The following CCND1 variants were observed in gnomAD, a reference collection of about 807,000 sequenced individuals.
CCND1 encodes G1/S-specific cyclin-D1.
A neutral mutation model predicts 26.1 loss-of-function variants in CCND1; 9 were observed. That is an observed-to-expected ratio of 0.35 (90% CI 0.21 to 0.60). The LOEUF (loss-of-function observed/expected upper bound fraction) is 0.60, where lower values mean the gene tolerates loss of function less well. Among genes scored for constraint, CCND1 ranks in the 20% least tolerant of loss-of-function variants. The probability of loss-of-function intolerance (pLI) is 0.79; values close to 1 mark genes in which losing one functional copy is unlikely to be tolerated. For synonymous variants in CCND1, 194 were observed against 166.1 expected, an observed-to-expected ratio of 1.17 and a Z score of -1.29; for missense variants, 335 against 392.9, an observed-to-expected ratio of 0.85 and a Z score of 1.25.
rs1407474444 is a variant in CCND1 at position 69,652,436 on chromosome 11, G to A, written c.*1154G>A. The A allele has an allele frequency of 4.3e-6, 1 of 233,568 alleles. No individual in the cohort carries two copies. Among genetic ancestry groups the A allele is most frequent in the African/African-American group, 2.2e-5 (1 of 45,356 alleles). The allele number at this position is 233,568 out of a possible 1,614,324, so 14.5% of individuals were successfully genotyped here. ...TTTGAGGCAAGTGTGGGCCACTGTG[G>A]TGGCAGTGGAGGTGGGGTGTTTGGG... On this transcript the variant is annotated 3_prime_UTR_variant, in exon 5 of 5. Coordinates refer to ENST00000227507, the MANE Select transcript of CCND1 (RefSeq NM_053056.3).
chr11:69,644,278 A>G lies in CCND1; in HGVS notation c.574+287A>G, dbSNP rs616294. The G allele has an allele frequency of 2.7e-3, 1,262 of 467,528 alleles. 38 individuals carry two copies. In the East Asian group the frequency reaches 0.044, roughly 16 times the overall value. 29.0% of individuals were successfully genotyped at this position (467,528 alleles called of 1,614,324 possible). On this transcript the variant is annotated intron_variant, in intron 3 of 4. Coordinates refer to ENST00000227507, the MANE Select transcript of CCND1 (RefSeq NM_053056.3). Reference sequence around the variant, plus strand: ...TTACTCTGGCCTCGTCCTTCAGGCCAGGCAGCCTGTGGCCACTCCATGCTG... The same window carrying G: ...TTACTCTGGCCTCGTCCTTCAGGCCGGGCAGCCTGTGGCCACTCCATGCTG...
At chr11:69,645,474 T>C (rs1427951303) in intron 3 of CCND1, among the ~76,000 whole-genome samples, 1 of 151,906 alleles carries the variant, frequency 6.6e-6, no homozygotes, top group Admixed American at 6.5e-5. Context: ...CCCCCAGCGG[T>C]GGGTGAAGGA....
Position 69,653,159 on chromosome 11 carries a change from G to A in CCND1, c.*1877G>A, listed in dbSNP as rs369309004. The A allele has an allele frequency of 1.0e-4, 64 of 621,062 alleles. No individual in the cohort carries two copies. Among genetic ancestry groups the A allele is most frequent in the African/African-American group, 6.1e-4 (33 of 54,112 alleles). 38.5% of individuals were successfully genotyped at this position (621,062 alleles called of 1,614,324 possible). ...GGCTGACGTGTGAGGGAGGACAGGCGGGAGGAGGTGTGAGGAGGAGGCTCC... is the reference window on the plus strand; with the variant it reads ...GGCTGACGTGTGAGGGAGGACAGGCAGGAGGAGGTGTGAGGAGGAGGCTCC... On this transcript the variant is annotated 3_prime_UTR_variant, in exon 5 of 5. Transcript: ENST00000227507.
At chr11:69,645,413 G>A (rs1855765871) in intron 3 of CCND1, among the ~76,000 whole-genome samples, 1 of 152,198 alleles carries the variant, frequency 6.6e-6, no homozygotes, top group Non-Finnish European at 1.5e-5. Context: ...CAGTGGGCAG[G>A]TGCAGATTCT....
chr11:69,643,363 G>A (rs1460000211), intron 2 of CCND1, 117 bp downstream of exon 2: 4 of 784,828 alleles, frequency 5.1e-6, no homozygotes, highest in Non-Finnish European at 5.6e-6. Context: ...CTCCTCCGAG[G>A]GAGGGCGGCC....
Position 69,651,174 on chromosome 11 carries a change from C to T in CCND1, c.780C>T (p.Arg260=), listed in dbSNP as rs2120120033. ...AAGCCCTGCTGGAGTCAAGCCTGCG[C>T]CAGGCCCAGCAGAACATGGACCCCA... The part of the protein sequence containing the change: ...QIEALLESSL[R]QAQQNMDPKA... The change falls in exon 5 of 5, where the codon CGC becomes CGT. Residue 260 remains arginine, a synonymous_variant. Transcript: ENST00000227507. 3 of 1,612,030 alleles carry T rather than the reference C, an allele frequency of 1.9e-6. No homozygotes were observed. The highest frequency in any genetic ancestry group is 2.2e-5 in the South Asian group (2 of 90,992).
chr11:69,643,424 C>T lies in CCND1; in HGVS notation c.414+178C>T, dbSNP rs372088793. 10 of 517,522 alleles carry T rather than the reference C, an allele frequency of 1.9e-5. 1 individual carries two copies. Among genetic ancestry groups the T allele is most frequent in the African/African-American group, 6.1e-5 (3 of 49,194 alleles). The allele number at this position is 517,522 out of a possible 1,614,324, so 32.1% of individuals were successfully genotyped here. ...GAGCGGGCGGGATCCTAGCCGCCCT[C>T]GTCCCGCCGCCCTGTGTGCGCTTGC... On this transcript the variant is annotated intron_variant, in intron 2 of 4. Transcript: ENST00000227507.
chr11:69,644,708 C>T (rs1855756972), intron 3 of CCND1, among the ~76,000 whole-genome samples: 1 of 152,214 alleles, frequency 6.6e-6, no homozygotes, highest in South Asian at 2.1e-4. Context: ...CCAGTGGGGA[C>T]AGACTCGCAC....
rs531212117 is a variant in CCND1 at position 69,643,093 on chromosome 11, C to A, written c.261C>A (p.Arg87=). ...VFPLAMNYLD[R]FLSLEPVKKS... is the part of the protein sequence containing the mutation. ...CGCTGGCCATGAACTACCTGGACCGCTTCCTGTCGCTGGAGCCCGTGAAAA... is the reference window on the plus strand; with the variant it reads ...CGCTGGCCATGAACTACCTGGACCGATTCCTGTCGCTGGAGCCCGTGAAAA... Residue 87 remains arginine (R), a synonymous_variant, in exon 2 of 5, where the codon CGC becomes CGA. Coordinates refer to ENST00000227507, the MANE Select transcript of CCND1 (RefSeq NM_053056.3). 6.2e-7 allele frequency: 1 copy of A among 1,611,402 alleles called. No individual in the cohort carries two copies. The highest frequency in any genetic ancestry group is 8.5e-7 in the Non-Finnish European group (1 of 1,179,256).
In CCND1 at chr11:69,652,884, T is replaced by C. The variant is rs1389286648; in HGVS notation, c.*1602T>C. 2.7e-5 allele frequency: 7 copies of C among 263,368 alleles called. No homozygotes were observed. Among genetic ancestry groups the C allele is most frequent in the African/African-American group, 1.5e-4 (7 of 45,972 alleles). The allele number at this position is 263,368 out of a possible 1,614,324, so 16.3% of individuals were successfully genotyped here. On this transcript the variant is annotated 3_prime_UTR_variant, in exon 5 of 5. Transcript: ENST00000227507. ...CCTTTTATAGGTGAGAAAAAAACAATCTGGAAGAAAAAAACCACACAAAGA... is the reference window on the plus strand; with the variant it reads ...CCTTTTATAGGTGAGAAAAAAACAACCTGGAAGAAAAAAACCACACAAAGA...
At chr11:69,650,024 C>T (rs896941129) in intron 4 of CCND1, among the ~76,000 whole-genome samples, 2 of 152,212 alleles carry the variant, frequency 1.3e-5, no homozygotes, top group African/African-American at 2.4e-5. Context: ...GCTAAAATGT[C>T]GTGACCTCAG....
At position 69,643,963 on chromosome 11, in the gene CCND1, G is replaced by T. The variant is rs141880768; in HGVS notation, c.546G>T (p.Ala182=). Residue 182 remains alanine (A), a synonymous_variant, in exon 3 of 5, where the codon GCG becomes GCT. Transcript: ENST00000227507. ...EENKQIIRKH[A]QTFVALCATD... ...ACAAACAGATCATCCGCAAACACGC[G>T]CAGACCTTCGTTGCCCTCTGTGCCA... 4 of 1,613,284 alleles carry T rather than the reference G, an allele frequency of 2.5e-6. No individual in the cohort carries two copies. The African/African-American group carries it at 5.3e-5, about 22-fold the overall frequency.
At chr11:69,644,746 C>T (rs1855757606) in intron 3 of CCND1, among the ~76,000 whole-genome samples, 1 of 152,212 alleles carries the variant, frequency 6.6e-6, no homozygotes. Context: ...TCCTGCTGTC[C>T]CCAGCCCTGC....
Position 69,652,102 on chromosome 11 carries a change from T to C in CCND1, c.*820T>C, listed in dbSNP as rs952817760. On this transcript the variant is annotated 3_prime_UTR_variant, in exon 5 of 5. Transcript: ENST00000227507. ...AAGGCCACCTGTCCCACTCCTACGA[T>C]ACGCTACTATAAAGAGAAGACGAAA... The C allele has an allele frequency of 4.3e-6, 1 of 233,396 alleles. No homozygotes were observed. The highest frequency in any genetic ancestry group is 2.2e-5 in the African/African-American group (1 of 45,340). 14.5% of individuals were successfully genotyped at this position (233,396 alleles called of 1,614,324 possible). A position where few individuals can be genotyped will look rare whatever the true frequency, so the allele number is the denominator to read the frequency against.
intron 4 of CCND1, 76 bp from the exon 5 acceptor site, chr11:69,651,042 C>T (rs1855846883): frequency 1.4e-6 from 2 of 1,428,474 alleles, no homozygotes; most frequent in Non-Finnish European, 1.9e-6. Flanking sequence ...GGTCATGGCA[C>T]CTGGGAAGGG....
At chr11:69,646,477 G>A (rs1345763908) in intron 3 of CCND1, among the ~76,000 whole-genome samples, 1 of 152,170 alleles carries the variant, frequency 6.6e-6, no homozygotes, top group Non-Finnish European at 1.5e-5. Flanking sequence ...GCGGCCCGTG[G>A]GGGCCCCTCT....
rs750639632 is a variant in CCND1, at chr11:69,648,045, T to C, written c.626T>C (p.Val209Ala). The C allele has an allele frequency of 1.2e-6, 2 of 1,613,936 alleles. No individual in the cohort carries two copies. Among genetic ancestry groups the C allele is most frequent in the Non-Finnish European group, 1.7e-6 (2 of 1,180,002 alleles). The change falls in exon 4 of 5, where the codon GTG (valine) becomes GCG (alanine). Residue 209 changes from valine to alanine, a missense_variant. By Grantham distance (64) the Val-to-Ala change is moderately conservative (BLOSUM62 0). Coordinates refer to ENST00000227507, the MANE Select transcript of CCND1 (RefSeq NM_053056.3). Reference sequence around the variant, plus strand: ...TCCATGGTGGCAGCGGGGAGCGTGGTGGCCGCAGTGCAAGGCCTGAACCTG... The same window carrying C: ...TCCATGGTGGCAGCGGGGAGCGTGGCGGCCGCAGTGCAAGGCCTGAACCTG... ...PPSMVAAGSVVAAVQGLNLRS... is the reference protein window; with the variant it reads ...PPSMVAAGSVAAAVQGLNLRS...
chr11:69,644,250 C>A, intron 3 of CCND1: 1 of 524,088 alleles, frequency 1.9e-6, no homozygotes, highest in Non-Finnish European at 3.5e-6. Flanking sequence ...TGCCTGTGTC[C>A]CGTTACTCTG....
chr11:69,643,680 C>T, intron 2 of CCND1, 152 bp from the exon 3 acceptor site: 4 of 658,056 alleles, frequency 6.1e-6, no homozygotes, highest in Non-Finnish European at 7.6e-6. Flanking sequence ...CATTCGCCAG[C>T]CCTCCCCTCC....
Sources: gnomAD v4.1 joint callset for allele counts (sites outside exome capture counted in the v4.1 genomes callset) on GRCh38, gnomAD v4.1.1 for gene constraint, MANE v1.5 for transcripts, NCBI Gene and HGNC (gene_info 2026-07-23, HGNC 2026-07-21) for gene names.